DSCAM: variants seen among roughly 807,000 people sequenced by gnomAD.
DSCAM encodes DS cell adhesion molecule, also known as cell adhesion molecule DSCAM.
In DSCAM, 47 loss-of-function variants were observed where a neutral mutation model predicts 217.7. That is an observed-to-expected ratio of 0.22 (90% CI 0.17 to 0.28). DSCAM has a LOEUF of 0.28. DSCAM is among the 10% of genes least tolerant of loss of function. The pLI is 1.00. For missense variants in DSCAM, 2,080 were observed against 2,618.3 expected, an observed-to-expected ratio of 0.79 and a Z score of 4.49; for synonymous variants, 1,056 against 1,015.3, an observed-to-expected ratio of 1.04 and a Z score of -0.76.
chr21:40,742,935 T>TAAAAAAA (rs1569013970), intron 1 of DSCAM, among the ~76,000 whole-genome samples: 2 of 152,210 alleles, frequency 1.3e-5, no homozygotes, highest in Admixed American at 1.3e-4. Flanking sequence ...TTAAGCAGTA[T>TAAAAAAA]CCCCTAAATT....
intron 10 of DSCAM, among the ~76,000 whole-genome samples, chr21:40,278,723 A>AGAGGAGGAAGAGAAGGAG (rs2073721663): frequency 6.6e-6 from 1 of 151,970 alleles, no homozygotes; most frequent in Non-Finnish European, 1.5e-5. Context: ...AACAAGTGGA[A>AGAGGAGGAAGAGAAGGAG]GAGGAGGAAG....
chr21:40,261,354 G>A (rs533859203), intron 11 of DSCAM, among the ~76,000 whole-genome samples: 35 of 152,260 alleles, frequency 2.3e-4, no homozygotes, highest in East Asian at 1.9e-3. Flanking sequence ...GATTAAAGCC[G>A]AATTGGTAGG....
At chr21:40,601,704 G>A (rs2077063113) in intron 3 of DSCAM, among the ~76,000 whole-genome samples, 1 of 152,122 alleles carries the variant, frequency 6.6e-6, no homozygotes, top group Non-Finnish European at 1.5e-5. Flanking sequence ...AGTTTGCTGA[G>A]ACATTTTTAT....
chr21:40,663,535 G>A (rs562365636), intron 3 of DSCAM, among the ~76,000 whole-genome samples: 1 of 152,278 alleles, frequency 6.6e-6, no homozygotes, highest in East Asian at 1.9e-4. Context: ...TTTCCTTTGA[G>A]GAGCCATCCC....
chr21:40,026,264 C>A (rs2088380867), intron 32 of DSCAM, among the ~76,000 whole-genome samples: 1 of 140,668 alleles, frequency 7.1e-6, no homozygotes, highest in South Asian at 2.6e-4. Context: ...TGTTCTTTTA[C>A]ATTTGCTGAG....
chr21:40,696,110 T>C (rs1043894135), intron 2 of DSCAM, among the ~76,000 whole-genome samples: 3 of 152,110 alleles, frequency 2.0e-5, no homozygotes, highest in Non-Finnish European at 2.9e-5. Flanking sequence ...TTGTTTTAAA[T>C]TTGATTGACA....
At chr21:40,114,066 A>C (rs2089935320) in intron 20 of DSCAM, among the ~76,000 whole-genome samples, 9 of 151,376 alleles carry the variant, frequency 5.9e-5, no homozygotes, top group African/African-American at 1.7e-4. Flanking sequence ...AAACTACTTT[A>C]AAGTTCATAT....
chr21:40,252,482 T>G (rs918934689), intron 11 of DSCAM, among the ~76,000 whole-genome samples: 2 of 152,186 alleles, frequency 1.3e-5, no homozygotes, highest in Non-Finnish European at 2.9e-5. Context: ...ATTTCAGATC[T>G]TGAGTAGGAA....
At chr21:40,678,571 A>G (rs9981234) in intron 3 of DSCAM, among the ~76,000 whole-genome samples, 124,640 of 152,092 alleles carry the variant, frequency 0.82, 52,420 homozygotes, top group East Asian at 1. Context: ...CATTTTTGCC[A>G]TCCCTTTCCC....
intron 24 of DSCAM, 60 bp from the exon 25 acceptor site, chr21:40,080,400 T>G (rs1318682978): frequency 2.2e-6 from 3 of 1,378,306 alleles, no homozygotes; most frequent in Admixed American, 2.3e-5. Context: ...GGAAGTGGAC[T>G]GATGCTTGCA....
chr21:40,781,978 C>G (rs2091548445), intron 1 of DSCAM, among the ~76,000 whole-genome samples: 1 of 110,600 alleles, frequency 9.0e-6, no homozygotes, highest in African/African-American at 3.5e-5. Flanking sequence ...GAAACCCCAT[C>G]TCTACTAAAA....
At chr21:40,352,617 G>A (rs1199110182) in intron 5 of DSCAM, among the ~76,000 whole-genome samples, 8 of 152,170 alleles carry the variant, frequency 5.3e-5, no homozygotes. Flanking sequence ...TATTGTCACT[G>A]TGAGATTCTT....
At chr21:40,183,104 T>TGGACGGGGGGGC (rs1568987237) in intron 14 of DSCAM, among the ~76,000 whole-genome samples, 1 of 7,538 alleles carries the variant, frequency 1.3e-4, no homozygotes, top group Non-Finnish European at 2.1e-4. Flanking sequence ...ACGGGGGGGG[T>TGGACGGGGGGGC]TACCAGAGAA....
At chr21:40,170,979 C>T (rs956233689) in intron 15 of DSCAM, among the ~76,000 whole-genome samples, 1 of 152,148 alleles carries the variant, frequency 6.6e-6, no homozygotes, top group South Asian at 2.1e-4. Flanking sequence ...AAGGTGCCAG[C>T]ATAGTGTTTA....
chr21:40,773,401 CCTT>C (rs1316153520), intron 1 of DSCAM, among the ~76,000 whole-genome samples: 1 of 152,192 alleles, frequency 6.6e-6, no homozygotes, highest in Non-Finnish European at 1.5e-5. Context: ...CTTCACATGG[CCTT>C]CTTCTCCCTG....
intron 3 of DSCAM, among the ~76,000 whole-genome samples, chr21:40,568,578 G>A (rs1414236494): frequency 6.6e-6 from 1 of 152,058 alleles, no homozygotes; most frequent in Non-Finnish European, 1.5e-5. Flanking sequence ...CTTCCTCGGG[G>A]AATATAAACT....
At chr21:40,527,535 A>G (rs1203494783) in intron 3 of DSCAM, among the ~76,000 whole-genome samples, 2 of 152,196 alleles carry the variant, frequency 1.3e-5, no homozygotes, top group Non-Finnish European at 2.9e-5. Flanking sequence ...CAACCCCAGG[A>G]GAAGAGCCAC....
chr21:40,274,783 A>G (rs2837548), intron 11 of DSCAM, among the ~76,000 whole-genome samples: 5,409 of 152,246 alleles, frequency 0.036, 309 homozygotes, highest in African/African-American at 0.12. Context: ...ATTATAATCC[A>G]TTTCACAATA....
chr21:40,080,457 C>A (rs1184637709), intron 24 of DSCAM, 117 bp from the exon 25 acceptor site: 1 of 900,224 alleles, frequency 1.1e-6, no homozygotes, highest in Middle Eastern at 3.6e-4. Flanking sequence ...GAAGAATCTT[C>A]AGAAGGAACA....
Sources: gnomAD v4.1 joint callset for allele counts (sites outside exome capture counted in the v4.1 genomes callset) on GRCh38, gnomAD v4.1.1 for gene constraint, MANE v1.5 for transcripts, NCBI Gene and HGNC (gene_info 2026-07-23, HGNC 2026-07-21) for gene names.